Variants in BPTF observed in about 807,000 individuals in gnomAD.
BPTF encodes the protein bromodomain PHD finger transcription factor.
BPTF carries 18 observed loss-of-function variants against 292.5 expected under a neutral mutation model. That is an observed-to-expected ratio of 0.06 (90% CI 0.04 to 0.09). The LOEUF is 0.09. Ranked by LOEUF, BPTF falls within the 10% of genes least tolerant of loss-of-function variation. The pLI is 1.00. For missense variants in BPTF, 2,726 were observed against 3,498.7 expected, an observed-to-expected ratio of 0.78 and a Z score of 5.57; for synonymous variants, 1,225 against 1,251.9, an observed-to-expected ratio of 0.98 and a Z score of 0.45.
At position 67,923,072 on chromosome 17, in the gene BPTF, T is replaced by C. The variant is rs2063565253; in HGVS notation, c.5708+82T>C. On this transcript the variant is annotated intron_variant, in intron 14 of 27. Coordinates refer to ENST00000306378, the MANE Select transcript of BPTF (RefSeq NM_182641.4). The stretch of plus-strand genomic sequence containing the variant: ...AATAAATTACTTTTTTTTTTTTTTT[T>C]TGAGACAGGATCTTGCTCTGTCACC... The C allele has an allele frequency of 4.4e-6, 6 of 1,365,920 alleles. No individual in the cohort carries two copies. In the Admixed American group the frequency reaches 1.1e-4, roughly 26 times the overall value. The allele number at this position is 1,365,920 out of a possible 1,614,324, so 84.6% of individuals were successfully genotyped here.
chr17:67,844,308 C>T (rs1488920052), intron 1 of BPTF, among the ~76,000 whole-genome samples: 14 of 149,982 alleles, frequency 9.3e-5, no homozygotes, highest in Non-Finnish European at 1.6e-4. Flanking sequence ...AGTGCAGTGG[C>T]GCAATCTCCG....
At chr17:67,892,282 T>G (rs2146278873) in intron 5 of BPTF, among the ~76,000 whole-genome samples, 1 of 152,356 alleles carries the variant, frequency 6.6e-6, no homozygotes, top group South Asian at 2.1e-4. Flanking sequence ...TCTTACTACA[T>G]GAACAGTTTT....
At position 67,874,979 on chromosome 17, in the gene BPTF, A is replaced by G. The variant is rs1380512657; in HGVS notation, c.1823A>G (p.Asp608Gly). The change falls in exon 4 of 28, where the codon GAC becomes GGC. Residue 608 changes from aspartate (D) to glycine (G), a missense_variant. Physicochemically the swap from Asp to Gly is moderately conservative, Grantham distance 94. This residue lies in a region of BPTF where 187 missense variants were observed against 201.5 expected (regional missense o/e 0.93). Transcript: ENST00000306378. Reference sequence around the variant, plus strand: ...CAGTCCCTTGAAAAAGACAGTGACGACAAAACACCAGATGATGACCCTGAG... The same window carrying G: ...CAGTCCCTTGAAAAAGACAGTGACGGCAAAACACCAGATGATGACCCTGAG... ...EDQSLEKDSDDKTPDDDPEQG... is the reference protein window; with the variant it reads ...EDQSLEKDSDGKTPDDDPEQG... 3.1e-6 allele frequency: 5 copies of G among 1,613,878 alleles called. No homozygotes were observed. The highest frequency in any genetic ancestry group is 4.2e-6 in the Non-Finnish European group (5 of 1,179,904).
At chr17:67,961,314 A>G (rs551517396) in intron 24 of BPTF, among the ~76,000 whole-genome samples, 3 of 152,340 alleles carry the variant, frequency 2.0e-5, no homozygotes, top group East Asian at 1.9e-4. Flanking sequence ...ACACTTTAGT[A>G]TACCAGGTTC....
chr17:67,867,343 A>G (rs2059449649), intron 3 of BPTF, among the ~76,000 whole-genome samples: 2 of 152,262 alleles, frequency 1.3e-5, no homozygotes, highest in Admixed American at 1.3e-4. Context: ...TTTTAAAAAA[A>G]TAAAACTTTA....
intron 4 of BPTF, chr17:67,886,411 GT>G: frequency 1.2e-6 from 1 of 830,098 alleles, no homozygotes; most frequent in Non-Finnish European, 1.7e-6. Flanking sequence ...TTTTGTTTTT[GT>G]TTTTTAGTTT....
intron 13 of BPTF, among the ~76,000 whole-genome samples, chr17:67,921,529 G>GTAAATAAA (rs557669526): frequency 4.6e-5 from 7 of 151,414 alleles, no homozygotes; most frequent in African/African-American, 1.2e-4. Flanking sequence ...CCATTTCCAA[G>GTAAATAAA]TAAATAAATA....
intron 1 of BPTF, among the ~76,000 whole-genome samples, chr17:67,829,189 G>C (rs901986818): frequency 6.7e-6 from 1 of 149,042 alleles, no homozygotes; most frequent in African/African-American, 2.5e-5. Context: ...TTCTGTGAAC[G>C]TTTTTCATTG....
intron 1 of BPTF, among the ~76,000 whole-genome samples, chr17:67,828,885 T>G (rs1359951897): frequency 6.6e-6 from 1 of 152,220 alleles, no homozygotes; most frequent in Non-Finnish European, 1.5e-5. Flanking sequence ...TTATATGAAA[T>G]TATTAACTCC....
intron 10 of BPTF, among the ~76,000 whole-genome samples, chr17:67,910,674 C>A (rs1487988633): frequency 6.6e-6 from 1 of 152,020 alleles, no homozygotes; most frequent in Non-Finnish European, 1.5e-5. Flanking sequence ...GTGGCACATG[C>A]CTATAATCCC....
chr17:67,831,841 A>T (rs2056710296), intron 1 of BPTF, among the ~76,000 whole-genome samples: 1 of 152,016 alleles, frequency 6.6e-6, no homozygotes, highest in Admixed American at 6.6e-5. Context: ...GTGCCTGCTT[A>T]CGGTGGTTAT....
At chr17:67,882,576 T>G (rs1249535982) in intron 4 of BPTF, among the ~76,000 whole-genome samples, 1 of 152,228 alleles carries the variant, frequency 6.6e-6, no homozygotes, top group East Asian at 1.9e-4. Flanking sequence ...ATAGTAGTAT[T>G]TTCATAATAC....
chr17:67,841,814 A>G (rs2057576909), intron 1 of BPTF, among the ~76,000 whole-genome samples: 1 of 152,022 alleles, frequency 6.6e-6, no homozygotes, highest in African/African-American at 2.4e-5. Context: ...ATTGATAATG[A>G]TTGGATTTAG....
intron 25 of BPTF, 62 bp from the exon 26 acceptor site, chr17:67,966,510 C>T (rs868953707): frequency 2.0e-6 from 3 of 1,478,544 alleles, no homozygotes; most frequent in Non-Finnish European, 2.8e-6. Flanking sequence ...GTAACTCAAC[C>T]AGGAAACTTA....
chr17:67,901,617 G>A (rs895641499), intron 7 of BPTF, among the ~76,000 whole-genome samples: 1 of 152,126 alleles, frequency 6.6e-6, no homozygotes, highest in African/African-American at 2.4e-5. Context: ...ATTTGAATAG[G>A]CATTTTGCAG....
intron 1 of BPTF, among the ~76,000 whole-genome samples, chr17:67,843,216 A>ACCTATATATACC (rs2057717181): frequency 2.9e-5 from 4 of 139,750 alleles, no homozygotes; most frequent in Non-Finnish European, 6.4e-5. Context: ...AGATGTATGT[A>ACCTATATATACC]GATATATACC....
At chr17:67,938,106 C>T (rs1013635165) in intron 18 of BPTF, among the ~76,000 whole-genome samples, 1 of 152,144 alleles carries the variant, frequency 6.6e-6, no homozygotes, top group Admixed American at 6.5e-5. Context: ...CTTCACAGAC[C>T]CTCGGAGTAC....
intron 23 of BPTF, chr17:67,951,823 A>G (rs2066389154): frequency 6.6e-6 from 1 of 152,152 alleles, no homozygotes; most frequent in Admixed American, 6.6e-5. Flanking sequence ...TGGGAGGCCA[A>G]GGCAGGTAAA....
chr17:67,871,693 T>C lies in BPTF; in HGVS notation c.1661-3124T>C, dbSNP rs149545379. ...TTAGTTTTGAAATGTTCATGCAAAG[T>C]ATAGAATATACTTGTTGATAGAATA... On this transcript the variant is annotated intron_variant, in intron 3 of 27. Transcript: ENST00000306378. 1.6e-3 allele frequency among the ~76,000 whole-genome samples: 251 copies of C among 152,346 alleles called. 1 individual carries two copies. The highest frequency in any genetic ancestry group is 5.7e-3 in the African/African-American group (236 of 41,578).
Sources: gnomAD v4.1 joint callset for allele counts (sites outside exome capture counted in the v4.1 genomes callset) on GRCh38, gnomAD v4.1.1 for gene constraint, gnomAD v4.1.1 regional missense constraint, MANE v1.5 for transcripts, NCBI Gene and HGNC (gene_info 2026-07-23, HGNC 2026-07-21) for gene names.